Variants in IL37 observed in about 807,000 individuals in gnomAD.
IL37 encodes interleukin-37.
IL37 carries 15 observed loss-of-function variants against 15.4 expected under a neutral mutation model. The observed-to-expected ratio is 0.98, with a 90% CI of 0.65 to 1.50. The LOEUF is 1.50. Among genes scored for constraint, IL37 ranks in the 40% most tolerant of loss-of-function variants. The probability of loss-of-function intolerance (pLI) is 0.00; values close to 1 mark genes in which losing one functional copy is unlikely to be tolerated. For missense variants in IL37, 269 were observed against 261.7 expected (o/e 1.03, Z -0.19); for synonymous variants, 98 against 97.4 (o/e 1.01, Z -0.03).
chr2:112,916,066 G>A (rs1460732317), intron 3 of IL37, among the ~76,000 whole-genome samples: 3 of 152,200 alleles, frequency 2.0e-5, no homozygotes, highest in Non-Finnish European at 4.4e-5. Flanking sequence ...GAGGAGACCA[G>A]GAGGACATTC....
rs1029975472 is a variant in IL37 at position 112,913,370 on chromosome 2, A to G, written c.82+276A>G. Among the ~76,000 whole-genome samples, 43 of 152,348 alleles carry G rather than the reference A, an allele frequency of 2.8e-4. 2 individuals are homozygous for G. The South Asian group carries it at 5.4e-3, about 19-fold the overall frequency. ...CTGTTTGCCAACTGGATGGTTGCATATGCTTCAAAATGCACCTCTTCCCTC... is the reference window on the plus strand; with the variant it reads ...CTGTTTGCCAACTGGATGGTTGCATGTGCTTCAAAATGCACCTCTTCCCTC... On this transcript the variant is annotated intron_variant, in intron 2 of 5. Transcript: ENST00000263326.
At chr2:112,913,762 A>G (rs774088014) in intron 2 of IL37, 30 bp from the exon 3 acceptor site, 17 of 1,599,244 alleles carry the variant, frequency 1.1e-5, no homozygotes, top group African/African-American at 2.7e-5. Flanking sequence ...TCCGAATTGC[A>G]TATGCTAACC....
intron 1 of IL37, among the ~76,000 whole-genome samples, chr2:112,912,262 C>G (rs1683192449): frequency 6.6e-6 from 1 of 152,136 alleles, no homozygotes; most frequent in Admixed American, 6.5e-5. Flanking sequence ...AGCTCTCGGT[C>G]AACTGAGATA....
In IL37 at chr2:112,918,746, C is replaced by T. The variant is rs768803034; in HGVS notation, c.594C>T (p.His198=). 13 of 1,614,120 alleles carry T rather than the reference C, an allele frequency of 8.1e-6. No homozygotes were observed. In the East Asian group the frequency reaches 2.7e-4, roughly 33 times the overall value. ...GVTDKFENRK[H]IEFSFQPVCK... The stretch of plus-strand genomic sequence containing the variant: ...CAGATAAATTTGAGAACAGGAAACA[C>T]ATTGAATTTTCATTTCAACCAGTTT... Residue 198 remains histidine (H), a synonymous_variant, in exon 6 of 6, where the codon CAC becomes CAT. Transcript: ENST00000263326.
chr2:112,918,631 A>G lies in IL37; in HGVS notation c.479A>G (p.Gln160Arg). 6.2e-7 allele frequency: 1 copy of G among 1,614,090 alleles called. No individual in the cohort carries two copies. Among genetic ancestry groups the G allele is most frequent in the Admixed American group, 1.7e-5 (1 of 60,030 alleles). Residue 160 changes from glutamine (Q) to arginine (R), a missense_variant, in exon 6 of 6, where the codon CAG becomes CGG. By Grantham distance (43) the Gln-to-Arg change is conservative (BLOSUM62 1). Transcript: ENST00000263326. The stretch of plus-strand genomic sequence containing the variant: ...CGGCCCTTCATCTTTTATAGGGCTC[A>G]GGTGGGCTCCTGGAACATGCTGGAG... Reference protein sequence around the residue: ...ARRPFIFYRAQVGSWNMLESA... With the variant: ...ARRPFIFYRARVGSWNMLESA...
chr2:112,911,714 G>C (rs772403138), intron 1 of IL37, among the ~76,000 whole-genome samples: 40 of 152,158 alleles, frequency 2.6e-4, no homozygotes, highest in Admixed American at 6.5e-4. Flanking sequence ...ATGGCCCCAG[G>C]TCCTCCAGCC....
chr2:112,917,903 T>G, intron 5 of IL37, 126 bp downstream of exon 5: 1 of 997,966 alleles, frequency 1.0e-6, no homozygotes, highest in Non-Finnish European at 1.5e-6. Flanking sequence ...TCCACCTTTC[T>G]GGAAGCACCA....
chr2:112,918,534 A>G, intron 5 of IL37, 27 bp from the exon 6 acceptor site: 4 of 1,594,286 alleles, frequency 2.5e-6, no homozygotes, highest in Non-Finnish European at 3.4e-6. Flanking sequence ...AGCCTGTGCT[A>G]TCTAATTAAT....
chr2:112,913,679 G>A, intron 2 of IL37, 113 bp from the exon 3 acceptor site: 1 of 782,398 alleles, frequency 1.3e-6, no homozygotes, highest in South Asian at 1.6e-5. Context: ...CTATCATGCT[G>A]CTCTAGTATT....
At position 112,918,767 on chromosome 2, in the gene IL37, A is replaced by G; in HGVS notation, c.615A>G (p.Pro205=). ...AACACATTGAATTTTCATTTCAACCAGTTTGCAAAGCTGAAATGAGCCCCA... is the reference window on the plus strand; with the variant it reads ...AACACATTGAATTTTCATTTCAACCGGTTTGCAAAGCTGAAATGAGCCCCA... ...NRKHIEFSFQ[P]VCKAEMSPSE... Residue 205 remains proline, a synonymous_variant, in exon 6 of 6, where the codon CCA becomes CCG. Transcript: ENST00000263326. 6.2e-7 allele frequency: 1 copy of G among 1,614,122 alleles called. No homozygotes were observed. Among genetic ancestry groups the G allele is most frequent in the Non-Finnish European group, 8.5e-7 (1 of 1,180,020 alleles).
chr2:112,914,456 C>T (rs1683253431), intron 3 of IL37, among the ~76,000 whole-genome samples: 1 of 152,198 alleles, frequency 6.6e-6, no homozygotes, highest in African/African-American at 2.4e-5. Context: ...CCCATCACCT[C>T]CTCTTCTCAG....
At chr2:112,917,586 C>T (rs368721986) in intron 4 of IL37, 49 bp from the exon 5 acceptor site, 87 of 1,520,818 alleles carry the variant, frequency 5.7e-5, no homozygotes, top group Non-Finnish European at 6.9e-5. Flanking sequence ...ACAGGAGAGA[C>T]CTTTCCCTGC....
chr2:112,913,132 G>A (rs1683214702), intron 2 of IL37, 38 bp downstream of exon 2: 3 of 1,401,872 alleles, frequency 2.1e-6, no homozygotes, highest in Non-Finnish European at 2.9e-6. Flanking sequence ...GGGCCAAAGT[G>A]TAATTCCTAG....
chr2:112,913,392 C>A (rs183019836), intron 2 of IL37, among the ~76,000 whole-genome samples: 1 of 152,314 alleles, frequency 6.6e-6, no homozygotes, highest in African/African-American at 2.4e-5. Flanking sequence ...GCACCTCTTC[C>A]CTCCCAACAT....
chr2:112,917,191 C>G lies in IL37; in HGVS notation c.208C>G (p.Leu70Val). The part of the protein sequence containing the change: ...FSIHDQDHKV[L>V]VLDSGNLIAV... ...CATTCATGACCAGGATCACAAAGTA[C>G]TGGTCCTGGACTCTGGGAATCTCAT... Residue 70 changes from leucine (L) to valine (V), a missense_variant, in exon 4 of 6, where the codon CTG becomes GTG. By Grantham distance (32) the Leu-to-Val change is conservative. Transcript: ENST00000263326. 7.4e-6 allele frequency: 12 copies of G among 1,613,964 alleles called. No homozygotes were observed. Among genetic ancestry groups the G allele is most frequent in the Non-Finnish European group, 1.0e-5 (12 of 1,179,820 alleles).
At chr2:112,916,578 C>T (rs4257410) in intron 3 of IL37, among the ~76,000 whole-genome samples, 33,491 of 152,102 alleles carry the variant, frequency 0.22, 3,898 homozygotes, top group Middle Eastern at 0.31. Flanking sequence ...TTCCTGCCTC[C>T]AACCCTCCCA....
At chr2:112,911,784 TAC>T (rs1683183881) in intron 1 of IL37, among the ~76,000 whole-genome samples, 1 of 152,192 alleles carries the variant, frequency 6.6e-6, no homozygotes, top group Non-Finnish European at 1.5e-5. Flanking sequence ...TTTGGATACC[TAC>T]GTTTCTGCCA....
At chr2:112,918,487 A>G in intron 5 of IL37, 74 bp from the exon 6 acceptor site, 2 of 1,507,286 alleles carry the variant, frequency 1.3e-6, no homozygotes, top group Non-Finnish European at 1.8e-6. Flanking sequence ...AAAGGCCTGG[A>G]GGATGAGCAC....
chr2:112,915,429 C>A (rs1452506531), intron 3 of IL37, among the ~76,000 whole-genome samples: 2 of 152,164 alleles, frequency 1.3e-5, no homozygotes, highest in Non-Finnish European at 2.9e-5. Flanking sequence ...GTGAGAGTCA[C>A]AGCCTTAGGC....
Sources: allele counts gnomAD v4.1 joint callset (sites outside exome capture counted in the v4.1 genomes callset), GRCh38; gene constraint gnomAD v4.1.1; transcripts MANE v1.5; gene names NCBI Gene and HGNC (gene_info 2026-07-23, HGNC 2026-07-21).